The following VWA8 variants were observed in gnomAD, a reference collection of about 807,000 sequenced individuals.
VWA8 encodes von Willebrand factor A domain-containing protein 8.
VWA8 carries 221 observed loss-of-function variants against 241.5 expected under a neutral mutation model. That is an observed-to-expected ratio of 0.91 (90% CI 0.82 to 1.02). The LOEUF is 1.02. VWA8 is among the 50% of genes least tolerant of loss of function. The pLI is 0.00. For missense variants in VWA8, 2,322 were observed against 2,328.7 expected (o/e 1.00, Z 0.06); for synonymous variants, 852 against 827.1 (o/e 1.03, Z -0.52).
At chr13:41,922,741 T>C (rs1409859017) in intron 2 of VWA8, among the ~76,000 whole-genome samples, 4 of 152,148 alleles carry the variant, frequency 2.6e-5, no homozygotes, top group Non-Finnish European at 5.9e-5. Flanking sequence ...TGAGATACCA[T>C]CTCACACCAG....
intron 2 of VWA8, among the ~76,000 whole-genome samples, chr13:41,948,036 C>A (rs1451412425): frequency 6.7e-6 from 1 of 149,020 alleles, no homozygotes; most frequent in Admixed American, 6.7e-5. Context: ...CTAGGTAAAA[C>A]CCAAGAAAGT....
chr13:41,943,108 A>C (rs1877677542), intron 2 of VWA8, among the ~76,000 whole-genome samples: 1 of 152,238 alleles, frequency 6.6e-6, no homozygotes, highest in Admixed American at 6.5e-5. Context: ...AATAAAAATT[A>C]ATGCTTGGAA....
rs1326284311 is a variant in VWA8, at chr13:41,912,033, C to T, written c.372+5G>A. 1.9e-6 allele frequency: 3 copies of T among 1,564,792 alleles called. No homozygotes were observed. Among genetic ancestry groups the T allele is most frequent in the Non-Finnish European group, 2.6e-6 (3 of 1,155,248 alleles). Reference sequence around the variant, plus strand: ...CTTAGAAATTGACAAGAATTAACTGCTCACCAAGTACTGCATAGCAATAGA... The same window carrying T: ...CTTAGAAATTGACAAGAATTAACTGTTCACCAAGTACTGCATAGCAATAGA... On this transcript the variant is annotated splice_donor_5th_base_variant and intron_variant, in intron 3 of 44. Transcript: ENST00000379310.
At chr13:41,698,637 C>T (rs2045229773) in intron 29 of VWA8, among the ~76,000 whole-genome samples, 2 of 152,136 alleles carry the variant, frequency 1.3e-5, no homozygotes, top group Non-Finnish European at 2.9e-5. Flanking sequence ...AATATCTCAG[C>T]ACTCTTTTTA....
intron 21 of VWA8, among the ~76,000 whole-genome samples, chr13:41,737,023 C>T (rs2045531053): frequency 6.6e-6 from 1 of 151,638 alleles, no homozygotes. Flanking sequence ...TTTGTATTCA[C>T]CATCTCTACC....
chr13:41,755,601 C>T (rs1203858065), intron 21 of VWA8, among the ~76,000 whole-genome samples: 3 of 151,808 alleles, frequency 2.0e-5, no homozygotes, highest in African/African-American at 7.3e-5. Context: ...CAGCATGCAA[C>T]TCTTTACAAT....
intron 9 of VWA8, among the ~76,000 whole-genome samples, chr13:41,870,592 C>T (rs1308567774): frequency 6.8e-6 from 1 of 146,596 alleles, no homozygotes; most frequent in East Asian, 2.0e-4. Flanking sequence ...TGAGCCAAGA[C>T]GTGACACTGC....
Position 41,568,089 on chromosome 13 carries a change from C to T in VWA8, c.*108G>A. On this transcript the variant is annotated 3_prime_UTR_variant, in exon 45 of 45. Coordinates refer to ENST00000379310, the MANE Select transcript of VWA8 (RefSeq NM_015058.2). ...GAAGACCCAGGAATGCCGGAATCAT[C>T]CAGTCACTGCATGGGTTCACTTCAT... 2 of 890,922 alleles carry T rather than the reference C, an allele frequency of 2.2e-6. No homozygotes were observed. The highest frequency in any genetic ancestry group is 3.6e-6 in the Non-Finnish European group (2 of 562,210). 55.2% of individuals were successfully genotyped at this position (890,922 alleles called of 1,614,324 possible). A position where few individuals can be genotyped will look rare whatever the true frequency, so the allele number is the denominator to read the frequency against.
intron 2 of VWA8, among the ~76,000 whole-genome samples, chr13:41,936,429 T>C (rs959219513): frequency 2.0e-5 from 3 of 152,176 alleles, no homozygotes; most frequent in African/African-American, 7.2e-5. Flanking sequence ...ATTAAGTGAG[T>C]TATTTCTCTA....
intron 21 of VWA8, among the ~76,000 whole-genome samples, chr13:41,748,042 T>C (rs1009418100): frequency 1.5e-4 from 23 of 152,218 alleles, no homozygotes; most frequent in Admixed American, 3.3e-4. Context: ...TCATCAGGGA[T>C]ATTGGTCTAA....
At chr13:41,783,519 T>C (rs1245818625) in intron 19 of VWA8, among the ~76,000 whole-genome samples, 1 of 151,724 alleles carries the variant, frequency 6.6e-6, no homozygotes, top group Non-Finnish European at 1.5e-5. Context: ...ATGCCTCTAG[T>C]CTCAGCTACT....
At chr13:41,918,810 T>C (rs1223886753) in intron 2 of VWA8, among the ~76,000 whole-genome samples, 1 of 152,186 alleles carries the variant, frequency 6.6e-6, no homozygotes, top group Non-Finnish European at 1.5e-5. Context: ...TTTTCTTAAA[T>C]GATACACATA....
At chr13:41,903,492 C>CT (rs757282004) in intron 4 of VWA8, among the ~76,000 whole-genome samples, 9 of 151,988 alleles carry the variant, frequency 5.9e-5, no homozygotes, top group Non-Finnish European at 1.2e-4. Flanking sequence ...ATATCATGTA[C>CT]GATGACAGCC....
chr13:41,656,625 G>A (rs561165735), intron 37 of VWA8, among the ~76,000 whole-genome samples: 5 of 152,128 alleles, frequency 3.3e-5, no homozygotes, highest in African/African-American at 1.2e-4. Flanking sequence ...ATTCATCCAA[G>A]GAATTAAATG....
chr13:41,859,005 C>T (rs1403681621), intron 12 of VWA8, among the ~76,000 whole-genome samples: 3 of 151,166 alleles, frequency 2.0e-5, no homozygotes, highest in Non-Finnish European at 2.9e-5. Context: ...CAAGAACATA[C>T]GTTTGAAGCT....
chr13:41,675,119 A>G (rs933967563), intron 36 of VWA8, 96 bp downstream of exon 36: 1 of 778,820 alleles, frequency 1.3e-6, no homozygotes, highest in Non-Finnish European at 2.0e-6. Flanking sequence ...TGCTATTTAA[A>G]GAAGCAAAAA....
chr13:41,928,788 G>C (rs1876966827), intron 2 of VWA8, among the ~76,000 whole-genome samples: 1 of 150,548 alleles, frequency 6.6e-6, no homozygotes. Flanking sequence ...ACAAAACTAA[G>C]AGGTTTTTTG....
chr13:41,879,102 C>A (rs1342977784), intron 9 of VWA8, among the ~76,000 whole-genome samples: 1 of 152,122 alleles, frequency 6.6e-6, no homozygotes, highest in Admixed American at 6.5e-5. Flanking sequence ...GACCTTTGAT[C>A]TTAAACACTA....
Position 41,721,376 on chromosome 13 carries a change from A to G in VWA8, c.2958T>C (p.His986=). Reference sequence around the variant, plus strand: ...AGGTGTGTGCCATACCTACCTGTAAATGTTTGACTATGTTGACAACTTCTC... The same window carrying G: ...AGGTGTGTGCCATACCTACCTGTAAGTGTTTGACTATGTTGACAACTTCTC... ...STREVVNIVK[H]LQKFPTEGLS... is the part of the protein sequence containing the mutation. Residue 986 remains histidine (H), a synonymous_variant, in exon 25 of 45, where the codon CAT becomes CAC. Transcript: ENST00000379310. The G allele has an allele frequency of 5.0e-6, 8 of 1,613,708 alleles. No homozygotes were observed. Among genetic ancestry groups the G allele is most frequent in the Non-Finnish European group, 5.9e-6 (7 of 1,179,732 alleles).
Sources: gnomAD v4.1 joint callset for allele counts (sites outside exome capture counted in the v4.1 genomes callset) on GRCh38, gnomAD v4.1.1 for gene constraint, MANE v1.5 for transcripts, NCBI Gene and HGNC (gene_info 2026-07-23, HGNC 2026-07-21) for gene names.